The following RNF213 variants were observed in gnomAD, a reference collection of about 807,000 sequenced individuals.
RNF213 encodes the protein E3 ubiquitin-protein ligase RNF213.
RNF213 carries 341 observed loss-of-function variants against 514.4 expected under a neutral mutation model. The ratio of observed to expected loss-of-function variants is 0.66; its 90% confidence interval spans 0.61 to 0.73. The LOEUF (loss-of-function observed/expected upper bound fraction) is 0.73. Ranked by LOEUF, RNF213 falls within the 30% of genes least tolerant of loss-of-function variation. The probability of loss-of-function intolerance (pLI) is 0.00; values close to 1 mark genes in which losing one functional copy is unlikely to be tolerated. For synonymous variants in RNF213, 2,655 were observed against 2,658.2 expected (o/e 1.00, Z 0.04); for missense variants, 5,767 against 6,615.6 (o/e 0.87, Z 4.45).
At chr17:80,299,345 C>A (rs1034109416) in intron 11 of RNF213, among the ~76,000 whole-genome samples, 2 of 152,066 alleles carry the variant, frequency 1.3e-5, no homozygotes, top group Non-Finnish European at 2.9e-5. Context: ...TTTCTCTGTC[C>A]CATAACTTCA....
At chr17:80,310,529 C>T (rs945352417) in intron 14 of RNF213, among the ~76,000 whole-genome samples, 11 of 150,188 alleles carry the variant, frequency 7.3e-5, no homozygotes, top group East Asian at 2.0e-4. Context: ...CTGGGATTGC[C>T]GATGTGAGCC....
chr17:80,289,220 C>T (rs571377621), intron 5 of RNF213, among the ~76,000 whole-genome samples: 48 of 152,290 alleles, frequency 3.2e-4, no homozygotes, highest in African/African-American at 9.6e-4. Context: ...GTGGCCCCAG[C>T]GGCACTGGAA....
rs2079792047 is a variant in RNF213, at chr17:80,377,109, G to A, written c.13510+146G>A. ...CTGCATTCTACCGGTGGCGTCTGCA[G>A]AAGACGAATGGCTTGAAGGAGCTGG... On this transcript the variant is annotated intron_variant, in intron 53 of 67. Transcript: ENST00000582970. The surrounding 1 kb of genome is among the most constrained non-coding windows in gnomAD (Gnocchi z 4.1). 1.0e-5 allele frequency: 7 copies of A among 683,156 alleles called. No homozygotes were observed. The highest frequency in any genetic ancestry group is 2.7e-5 in the East Asian group (1 of 36,744). The allele number at this position is 683,156 out of a possible 1,614,324, so 42.3% of individuals were successfully genotyped here. A position where few individuals can be genotyped will look rare whatever the true frequency, so the allele number is the denominator to read the frequency against.
rs778099081 is a variant in RNF213, at chr17:80,383,002, T to C, written c.14002T>C (p.Leu4668=). ...SRRLLNFDTE[L]STKEMRNNWE... ...AGGGCTTTTAAATTTTGACACAGAA[T>C]TGTCAACTAAAGAAATGAGGAACAA... The change falls in exon 58 of 68, where the codon TTG becomes CTG. Residue 4668 remains leucine, a synonymous_variant. Coordinates refer to ENST00000582970, the MANE Select transcript of RNF213 (RefSeq NM_001256071.3). The C allele has an allele frequency of 8.7e-6, 14 of 1,613,478 alleles. No homozygotes were observed. Among genetic ancestry groups the C allele is most frequent in the South Asian group, 4.4e-5 (4 of 91,078 alleles).
Position 80,372,692 on chromosome 17 carries a change from G to T in RNF213, c.12709G>T (p.Asp4237Tyr). 1 of 1,613,942 alleles carries T rather than the reference G, an allele frequency of 6.2e-7. No individual in the cohort carries two copies. Among genetic ancestry groups the T allele is most frequent in the South Asian group, 1.1e-5 (1 of 91,076 alleles). Residue 4237 changes from aspartate to tyrosine, a missense_variant, in exon 48 of 68, where the codon GAC (aspartate) becomes TAC (tyrosine). Asp to Tyr is a radical substitution (Grantham distance 160, BLOSUM62 -3). Coordinates refer to ENST00000582970, the MANE Select transcript of RNF213 (RefSeq NM_001256071.3). The part of the protein sequence containing the change: ...QEVARIRLCL[D>Y]RAADFLSEPE... ...GGTGGCCCGGATCCGCCTCTGCCTC[G>T]ACAGAGCTGCAGATTTCCTCTCGGA...
intron 20 of RNF213, among the ~76,000 whole-genome samples, chr17:80,330,599 T>C (rs2046387716): frequency 6.6e-6 from 1 of 152,216 alleles, no homozygotes; most frequent in Non-Finnish European, 1.5e-5. Context: ...CCCATCCTCC[T>C]TCCCCCTGAG....
intron 3 of RNF213, among the ~76,000 whole-genome samples, chr17:80,279,456 TTTTC>T (rs568444457): frequency 6.2e-4 from 95 of 152,116 alleles, no homozygotes; most frequent in Non-Finnish European, 1.1e-3. Flanking sequence ...TCTCTTTTTC[TTTTC>T]TTTCTTTCTT....
At chr17:80,324,702 A>C (rs1045763995) in intron 17 of RNF213, among the ~76,000 whole-genome samples, 1 of 152,024 alleles carries the variant, frequency 6.6e-6, no homozygotes, top group Non-Finnish European at 1.5e-5. Flanking sequence ...GGGTTTATTC[A>C]TTTTTGGTAT....
chr17:80,340,297 C>T lies in RNF213; in HGVS notation c.5930C>T (p.Ala1977Val). 1 of 1,613,904 alleles carries T rather than the reference C, an allele frequency of 6.2e-7. No homozygotes were observed. Among genetic ancestry groups the T allele is most frequent in the Non-Finnish European group, 8.5e-7 (1 of 1,180,020 alleles). Residue 1977 changes from alanine (A) to valine (V), a missense_variant, in exon 26 of 68, where the codon GCA becomes GTA. Physicochemically the swap from Ala to Val is moderately conservative, Grantham distance 64 (BLOSUM62 0). Coordinates refer to ENST00000582970, the MANE Select transcript of RNF213 (RefSeq NM_001256071.3). Reference protein sequence around the residue: ...YRVPKQTLSAAAVFNDRLCVG... With the variant: ...YRVPKQTLSAVAVFNDRLCVG... ...GTCCCGAAGCAGACCCTGTCGGCGG[C>T]AGCCGTGTTCAATGACCGGCTGTGT...
chr17:80,370,180 G>A (rs1294371165), intron 46 of RNF213, among the ~76,000 whole-genome samples: 2 of 152,220 alleles, frequency 1.3e-5, no homozygotes, highest in Admixed American at 1.3e-4. Context: ...TGGTTCCACA[G>A]CAGCGCAACT....
chr17:80,385,042 G>A lies in RNF213; in HGVS notation c.14326G>A (p.Ala4776Thr). 1 of 1,614,200 alleles carries A rather than the reference G, an allele frequency of 6.2e-7. No individual in the cohort carries two copies. The highest frequency in any genetic ancestry group is 8.5e-7 in the Non-Finnish European group (1 of 1,180,026). ...TGGGTGGTCTTCCCTTCTCCAGGAA[G>A]CAGAGCTGAGGCTGGTAAAGTTCCT... Reference protein sequence around the residue: ...PILWHFLQKEAELRLVKFLPE... With the variant: ...PILWHFLQKETELRLVKFLPE... Residue 4776 changes from alanine (A) to threonine (T), a missense_variant, in exon 60 of 68, where the codon GCA becomes ACA. By Grantham distance (58) the Ala-to-Thr change is moderately conservative. Transcript: ENST00000582970.
intron 18 of RNF213, among the ~76,000 whole-genome samples, chr17:80,325,690 C>T (rs1406456086): frequency 5.3e-5 from 8 of 151,974 alleles, no homozygotes; most frequent in South Asian, 2.1e-4. Flanking sequence ...CAGCCCCCCG[C>T]GCCCCAGGTG....
rs558720112 is a variant in RNF213 at position 80,392,390 on chromosome 17, C to A, written c.15471-955C>A. Among the ~76,000 whole-genome samples the A allele has an allele frequency of 2.6e-5, 4 of 152,290 alleles. No individual in the cohort carries two copies. The East Asian group carries it at 5.8e-4, about 22-fold the overall frequency. On this transcript the variant is annotated intron_variant, in intron 67 of 67. Transcript: ENST00000582970. ...ATACAAGGTTTTTTGAATGGTGAGG[C>A]CTTGTTTATGCAACCCTGTAAATAA...
Position 80,373,006 on chromosome 17 carries a change from G to A in RNF213, c.12783G>A (p.Gln4261=), listed in dbSNP as rs989638468. 3.1e-6 allele frequency: 5 copies of A among 1,613,876 alleles called. No homozygotes were observed. Among genetic ancestry groups the A allele is most frequent in the East Asian group, 2.2e-5 (1 of 44,878 alleles). The change falls in exon 49 of 68, where the codon CAG becomes CAA. Residue 4261 remains glutamine, a synonymous_variant. Transcript: ENST00000582970. ...CCAAGGAGAAGCAGTGCTACCTGCA[G>A]CAAGTCAAGCAGTTCTGTATCCGGG... ...EMAKEKQCYL[Q]QVKQFCIRVE... is the part of the protein sequence containing the mutation.
chr17:80,273,777 G>C (rs1327521517), intron 3 of RNF213, among the ~76,000 whole-genome samples: 1 of 151,768 alleles, frequency 6.6e-6, no homozygotes, highest in African/African-American at 2.4e-5. Context: ...GCACCACCAC[G>C]ACCAGCTAAT....
intron 20 of RNF213, among the ~76,000 whole-genome samples, chr17:80,330,245 A>T (rs2046376820): frequency 6.6e-6 from 1 of 152,148 alleles, no homozygotes; most frequent in Non-Finnish European, 1.5e-5. Flanking sequence ...TCCTGGCATC[A>T]TGTGCTGCTT....
At position 80,372,651 on chromosome 17, in the gene RNF213, T is replaced by C. The variant is rs985063828; in HGVS notation, c.12668T>C (p.Val4223Ala). 2 of 1,613,932 alleles carry C rather than the reference T, an allele frequency of 1.2e-6. No homozygotes were observed. The highest frequency in any genetic ancestry group is 1.7e-6 in the Non-Finnish European group (2 of 1,179,982). ...CGAGAGCCTGCCAACGAGGCCTCGGTTGAATACCTGCAAGAGGTGGCCCGG... is the reference window on the plus strand; with the variant it reads ...CGAGAGCCTGCCAACGAGGCCTCGGCTGAATACCTGCAAGAGGTGGCCCGG... ...RGREPANEAS[V>A]EYLQEVARIR... The change falls in exon 48 of 68, where the codon GTT becomes GCT. Residue 4223 changes from valine (V) to alanine (A), a missense_variant. Physicochemically the swap from Val to Ala is moderately conservative, Grantham distance 64 (BLOSUM62 0). This residue lies in a region of RNF213 where 1,245 missense variants were observed against 1,339.0 expected (regional missense o/e 0.93). Transcript: ENST00000582970.
chr17:80,353,693 C>A lies in RNF213; in HGVS notation c.10578+27C>A, dbSNP rs370265010. 949 of 1,613,918 alleles carry A rather than the reference C, an allele frequency of 5.9e-4. 1 individual carries two copies. The highest frequency in any genetic ancestry group is 7.6e-4 in the Non-Finnish European group (901 of 1,179,936). On this transcript the variant is annotated intron_variant, in intron 34 of 67. Coordinates refer to ENST00000582970, the MANE Select transcript of RNF213 (RefSeq NM_001256071.3). The surrounding 1 kb of genome is among the most constrained non-coding windows in gnomAD (Gnocchi z 5.0). ...TAAGTTCTGGTTCTTGGGACCTCCC[C>A]TTGTGCTGCTGGTGATGCTTCTGAG... is the stretch of plus-strand genomic sequence containing the variant.
At chr17:80,318,538 GA>G in intron 16 of RNF213, among the ~76,000 whole-genome samples, 1 of 152,250 alleles carries the variant, frequency 6.6e-6, no homozygotes, top group South Asian at 2.1e-4. Context: ...GAGGCTCAAG[GA>G]AAATTAGTTT....
Sources: allele counts gnomAD v4.1 joint callset (sites outside exome capture counted in the v4.1 genomes callset), GRCh38; gene constraint gnomAD v4.1.1; regional missense constraint gnomAD v4.1.1; non-coding constraint Gnocchi (gnomAD v3.1); transcripts MANE v1.5; gene names NCBI Gene and HGNC (gene_info 2026-07-23, HGNC 2026-07-21).